DCC: variants seen among roughly 807,000 people sequenced by gnomAD.
The protein encoded by DCC is netrin receptor DCC.
A neutral mutation model predicts 172.5 loss-of-function variants in DCC; 58 were observed. The ratio of observed to expected loss-of-function variants is 0.34; its 90% CI spans 0.27 to 0.42. DCC has a LOEUF of 0.42. Ranked by LOEUF, DCC falls within the 10% of genes least tolerant of loss-of-function variation. The probability of loss-of-function intolerance (pLI) is 1.00; values close to 1 mark genes in which losing one functional copy is unlikely to be tolerated. For synonymous variants in DCC, 709 were observed against 644.5 expected, an observed-to-expected ratio of 1.10 and a Z score of -1.52; for missense variants, 1,740 against 1,791.0, an observed-to-expected ratio of 0.97 and a Z score of 0.51.
intron 1 of DCC, among the ~76,000 whole-genome samples, chr18:52,525,560 G>C (rs893076886): frequency 6.6e-6 from 1 of 152,198 alleles, no homozygotes; most frequent in Non-Finnish European, 1.5e-5. Flanking sequence ...TAAGAAATCT[G>C]ACCGCATAAA....
intron 2 of DCC, among the ~76,000 whole-genome samples, chr18:52,860,906 C>T (rs909352582): frequency 2.0e-5 from 3 of 150,794 alleles, no homozygotes; most frequent in African/African-American, 7.3e-5. Flanking sequence ...CTCAGGAGGC[C>T]GAGGCAGGAG....
chr18:53,085,859 G>A (rs952427421), intron 7 of DCC, among the ~76,000 whole-genome samples: 22 of 151,246 alleles, frequency 1.5e-4, no homozygotes, highest in African/African-American at 5.4e-4. Flanking sequence ...CAGTAATTGT[G>A]AAATGCAAAC....
rs150273275 is a variant in DCC at position 53,126,328 on chromosome 18, G to A, written c.1262-31028G>A. Among the ~76,000 whole-genome samples, 9 of 152,202 alleles carry A rather than the reference G, an allele frequency of 5.9e-5. No individual in the cohort carries two copies. In the East Asian group the frequency reaches 1.2e-3, roughly 20 times the overall value. Reference sequence around the variant, plus strand: ...GAAGGTAGCAAAACATTTCTATAATGCCTCAACTCTCTATAGTGAGTACAT... The same window carrying A: ...GAAGGTAGCAAAACATTTCTATAATACCTCAACTCTCTATAGTGAGTACAT... On this transcript the variant is annotated intron_variant, in intron 7 of 28. Coordinates refer to ENST00000442544, the MANE Select transcript of DCC (RefSeq NM_005215.4).
chr18:53,319,353 A>G (rs1001597239), intron 13 of DCC, among the ~76,000 whole-genome samples: 1 of 152,202 alleles, frequency 6.6e-6, no homozygotes, highest in South Asian at 2.1e-4. Context: ...TTGATGTGCT[A>G]TATTCAGGAG....
At chr18:52,396,465 C>T (rs76305798) in intron 1 of DCC, among the ~76,000 whole-genome samples, 1 of 151,932 alleles carries the variant, frequency 6.6e-6, no homozygotes, top group East Asian at 1.9e-4. Context: ...ATTTGTGACC[C>T]CTTTATGGGG....
intron 1 of DCC, among the ~76,000 whole-genome samples, chr18:52,521,316 G>C (rs952990372): frequency 6.6e-6 from 1 of 152,118 alleles, no homozygotes; most frequent in East Asian, 1.9e-4. Context: ...CTCCCATCAT[G>C]TTCACTGAAT....
intron 1 of DCC, among the ~76,000 whole-genome samples, chr18:52,385,924 T>C (rs1985780808): frequency 1.3e-5 from 2 of 152,074 alleles, no homozygotes; most frequent in South Asian, 2.1e-4. Flanking sequence ...GAAAATAATA[T>C]TTGTTTGGTG....
chr18:53,310,431 A>T (rs2057252749), intron 13 of DCC, among the ~76,000 whole-genome samples: 1 of 149,178 alleles, frequency 6.7e-6, no homozygotes, highest in African/African-American at 2.5e-5. Flanking sequence ...AGATACTCAA[A>T]TTTTTTTTTA....
intron 5 of DCC, among the ~76,000 whole-genome samples, chr18:53,005,241 G>T (rs2143857210): frequency 6.6e-6 from 1 of 152,212 alleles, no homozygotes; most frequent in South Asian, 2.1e-4. Flanking sequence ...AAAAATAATT[G>T]AAGCAGTTAT....
rs114411521 is a variant in DCC at position 52,852,065 on chromosome 18, C to T, written c.413-53979C>T. 3.6e-3 allele frequency among the ~76,000 whole-genome samples: 553 copies of T among 152,178 alleles called. 1 individual carries two copies. Among genetic ancestry groups the T allele is most frequent in the African/African-American group, 0.012 (508 of 41,538 alleles). On this transcript the variant is annotated intron_variant, in intron 2 of 28. Transcript: ENST00000442544. ...CCAAATTTCAATAGCAATTCTAGTACAAGTATAATACAAGTTTAACTTAAA... is the reference window on the plus strand; with the variant it reads ...CCAAATTTCAATAGCAATTCTAGTATAAGTATAATACAAGTTTAACTTAAA...
Position 53,531,715 on chromosome 18 carries a change from G to C in DCC, c.*1062G>C, listed in dbSNP as rs1232246415. 6.6e-6 allele frequency: 1 copy of C among 152,134 alleles called. No individual in the cohort carries two copies. The highest frequency in any genetic ancestry group is 6.5e-5 in the Admixed American group (1 of 15,270). 9.4% of individuals were successfully genotyped at this position (152,134 alleles called of 1,614,324 possible). ...GAGCAGGAAGAGAAGGAAAATAAAA[G>C]GTAGCTTCTAACAGTACCTTCTCTT... is the stretch of plus-strand genomic sequence containing the variant. On this transcript the variant is annotated 3_prime_UTR_variant, in exon 29 of 29. Transcript: ENST00000442544.
intron 5 of DCC, among the ~76,000 whole-genome samples, chr18:53,034,633 G>T (rs1163330108): frequency 6.6e-6 from 1 of 151,162 alleles, no homozygotes; most frequent in East Asian, 1.9e-4. Context: ...TCTACATTCT[G>T]TCCTTGACAC....
intron 9 of DCC, among the ~76,000 whole-genome samples, chr18:53,195,627 G>GT (rs1384238866): frequency 1.3e-5 from 2 of 150,110 alleles, no homozygotes; most frequent in Admixed American, 1.3e-4. Flanking sequence ...TTCCCAACTT[G>GT]TAAGTTCTGT....
intron 12 of DCC, among the ~76,000 whole-genome samples, chr18:53,245,423 T>C (rs181658054): frequency 6.6e-6 from 1 of 152,272 alleles, no homozygotes; most frequent in Admixed American, 6.5e-5. Context: ...TGTGGAAAAG[T>C]AACATCACCT....
At chr18:52,943,498 T>C (rs1051092289) in intron 5 of DCC, among the ~76,000 whole-genome samples, 2 of 152,168 alleles carry the variant, frequency 1.3e-5, no homozygotes, top group East Asian at 1.9e-4. Context: ...AGTTCAAGGG[T>C]ACAAACAGTA....
At position 53,132,409 on chromosome 18, in the gene DCC, C is replaced by T. The variant is rs76011022; in HGVS notation, c.1262-24947C>T. ...CACACTGCGGAAGCTATCAGACATT[C>T]ACATTTCATCTAGAAAGACATGGGG... is the stretch of plus-strand genomic sequence containing the variant. On this transcript the variant is annotated intron_variant, in intron 7 of 28. Transcript: ENST00000442544. Among the ~76,000 whole-genome samples, 535 of 152,210 alleles carry T rather than the reference C, an allele frequency of 3.5e-3. 28 individuals are homozygous for T. The East Asian group carries it at 0.091, about 26-fold the overall frequency.
chr18:52,464,991 T>C (rs984865982), intron 1 of DCC, among the ~76,000 whole-genome samples: 1 of 152,048 alleles, frequency 6.6e-6, no homozygotes, highest in African/African-American at 2.4e-5. Context: ...AGATATTTGG[T>C]CTGAGCATTA....
At chr18:53,528,408 T>C (rs943407796) in intron 28 of DCC, among the ~76,000 whole-genome samples, 1 of 152,074 alleles carries the variant, frequency 6.6e-6, no homozygotes, top group African/African-American at 2.4e-5. Flanking sequence ...CAATATCTGT[T>C]TAGGATCAAG....
At chr18:52,987,100 G>A (rs1000841733) in intron 5 of DCC, among the ~76,000 whole-genome samples, 1 of 152,074 alleles carries the variant, frequency 6.6e-6, no homozygotes, top group Non-Finnish European at 1.5e-5. Flanking sequence ...GGGATTACAG[G>A]CGTGAGACTC....
Sources: allele counts gnomAD v4.1 joint callset (sites outside exome capture counted in the v4.1 genomes callset), GRCh38; gene constraint gnomAD v4.1.1; transcripts MANE v1.5; gene names NCBI Gene and HGNC (gene_info 2026-07-23, HGNC 2026-07-21).